Variants in PADI4 observed in about 807,000 individuals in gnomAD.
PADI4 encodes protein-arginine deiminase type-4.
Under a neutral mutation model 75.0 loss-of-function variants are expected in PADI4, and 62 were observed. That is an observed-to-expected ratio of 0.83 (90% confidence interval 0.67 to 1.02). The LOEUF is 1.02. PADI4 is among the 50% of genes least tolerant of loss of function. The pLI, the probability that PADI4 is intolerant of heterozygous loss-of-function variation, is 0.00. For synonymous variants in PADI4, 361 were observed against 348.1 expected, an observed-to-expected ratio of 1.04 and a Z score of -0.41; for missense variants, 845 against 850.5, an observed-to-expected ratio of 0.99 and a Z score of 0.08.
intron 2 of PADI4, among the ~76,000 whole-genome samples, chr1:17,333,196 C>T (rs139384903): frequency 1.3e-5 from 2 of 152,146 alleles, no homozygotes; most frequent in African/African-American, 2.4e-5. Flanking sequence ...GGAGACCAGA[C>T]AGAAGGCTGA....
In PADI4 at chr1:17,346,495, T is replaced by C. The variant is rs1374896130; in HGVS notation, c.1047+356T>C. Among the ~76,000 whole-genome samples the C allele has an allele frequency of 2.6e-5, 4 of 152,234 alleles. No individual in the cohort carries two copies. The East Asian group carries it at 5.8e-4, about 22-fold the overall frequency. The stretch of plus-strand genomic sequence containing the variant: ...TCTTGGGCCCAGCCACCAAAGCAGG[T>C]CACACCCCAGCTCCAGCACTTTCCA... On this transcript the variant is annotated intron_variant, in intron 9 of 15. Coordinates refer to ENST00000375448, the MANE Select transcript of PADI4 (RefSeq NM_012387.3). The surrounding 1 kb of genome is among the most constrained non-coding windows in gnomAD (Gnocchi z 4.3).
intron 5 of PADI4, 85 bp downstream of exon 5, chr1:17,338,240 A>C: frequency 1.2e-6 from 1 of 825,552 alleles, no homozygotes; most frequent in Non-Finnish European, 2.1e-6. Context: ...CGGCCCTCTG[A>C]AATAAGGGTT....
At chr1:17,358,213 A>C (rs1309480764) in intron 13 of PADI4, among the ~76,000 whole-genome samples, 4 of 152,106 alleles carry the variant, frequency 2.6e-5, no homozygotes, top group Admixed American at 2.0e-4. Context: ...GCACTACTGC[A>C]CTCCAGCCTG....
chr1:17,308,273 CGT>C lies in PADI4; in HGVS notation c.59_60del (p.Val20AlafsTer8). 1.9e-6 allele frequency: 3 copies of C among 1,614,084 alleles called. No homozygotes were observed. Among genetic ancestry groups the C allele is most frequent in the Non-Finnish European group, 1.7e-6 (2 of 1,180,008 alleles). ...RVTPEQPTHAVCVLGTLTQLD... is the reference protein window; with the variant it reads ...RVTPEQPTHAXCVLGTLTQLD... ...TGACCCCAGAGCAGCCCACCCATGC[CGT>C]GTGTGTGCTGGGCACCTTGACTCAG... On this transcript the variant is annotated frameshift_variant, in exon 1 of 16. Coordinates refer to ENST00000375448, the MANE Select transcript of PADI4 (RefSeq NM_012387.3). LOFTEE classifies it high-confidence loss of function.
intron 1 of PADI4, among the ~76,000 whole-genome samples, chr1:17,326,845 G>C (rs2074124163): frequency 6.6e-6 from 1 of 150,958 alleles, no homozygotes; most frequent in South Asian, 2.1e-4. Context: ...AACTCTGATG[G>C]TGGTTTTGTC....
intron 10 of PADI4, 150 bp downstream of exon 10, chr1:17,348,198 T>G (rs2074554743): frequency 1.9e-6 from 1 of 529,500 alleles, no homozygotes; most frequent in Admixed American, 3.2e-5. Flanking sequence ...AGCATGTAGG[T>G]GGGGCTTGTT....
intron 8 of PADI4, among the ~76,000 whole-genome samples, chr1:17,343,355 C>T (rs767825692): frequency 9.9e-5 from 15 of 152,264 alleles, no homozygotes; most frequent in Admixed American, 2.0e-4. Context: ...GTCTGAGAGC[C>T]GCTGACAAGT....
intron 9 of PADI4, among the ~76,000 whole-genome samples, chr1:17,347,628 C>T (rs2074540056): frequency 1.3e-5 from 2 of 152,252 alleles, no homozygotes; most frequent in South Asian, 4.2e-4. Context: ...TGCCCACTGC[C>T]TGGCTCCCTT....
At position 17,339,754 on chromosome 1, in the gene PADI4, C is replaced by T. The variant is rs556713924; in HGVS notation, c.593C>T (p.Thr198Ile). ...KTPKDFFTNH[T>I]LVLHVARSEM... ...CCCAAGGACTTCTTCACAAACCATA[C>T]ACTGGTGCTCCACGTGGCCAGGTCT... Residue 198 changes from threonine to isoleucine, a missense_variant, in exon 6 of 16, where the codon ACA becomes ATA. Physicochemically the swap from Thr to Ile is moderately conservative, Grantham distance 89 (BLOSUM62 -1). Transcript: ENST00000375448. 1 of 1,614,056 alleles carries T rather than the reference C, an allele frequency of 6.2e-7. No individual in the cohort carries two copies.
At position 17,322,491 on chromosome 1, in the gene PADI4, C is replaced by CT. The variant is rs55792729; in HGVS notation, c.93-8478_93-8477insT. Among the ~76,000 whole-genome samples the CT allele has an allele frequency of 8.7e-3, 1,295 of 149,312 alleles. 24 individuals carry two copies. The highest frequency in any genetic ancestry group is 0.031 in the African/African-American group (1,221 of 39,428). On this transcript the variant is annotated intron_variant, in intron 1 of 15. Transcript: ENST00000375448. ...GTGACAGAGTGAGACTCCATCCCCC[C>CT]CCAAAAAAAAAGATAAGCTATAAAT...
rs760245616 is a variant in PADI4 at position 17,346,558 on chromosome 1, C to T, written c.1047+419C>T. 3.3e-5 allele frequency among the ~76,000 whole-genome samples: 5 copies of T among 152,138 alleles called. No homozygotes were observed. The highest frequency in any genetic ancestry group is 4.4e-5 in the Non-Finnish European group (3 of 68,030). On this transcript the variant is annotated intron_variant, in intron 9 of 15. Transcript: ENST00000375448. The surrounding 1 kb of genome is among the most constrained non-coding windows in gnomAD (Gnocchi z 4.3). Reference sequence around the variant, plus strand: ...CCTCCTGCTTAGTCTGTTTCCAGGCCCTCTCAGCCTGCCTGGTTCCCTTCC... The same window carrying T: ...CCTCCTGCTTAGTCTGTTTCCAGGCTCTCTCAGCCTGCCTGGTTCCCTTCC...
At chr1:17,342,253 T>G (rs201072348) in intron 7 of PADI4, 46 bp from the exon 8 acceptor site, 1 of 1,427,734 alleles carries the variant, frequency 7.0e-7, no homozygotes, top group Non-Finnish European at 9.9e-7. Flanking sequence ...TGCTGGGCCC[T>G]GGCAGCGGTG....
intron 1 of PADI4, among the ~76,000 whole-genome samples, chr1:17,330,141 G>C (rs1325970004): frequency 1.3e-5 from 2 of 152,132 alleles, no homozygotes; most frequent in African/African-American, 4.8e-5. Flanking sequence ...GCCTACATCT[G>C]TGTGTGTGGG....
In PADI4 at chr1:17,338,076, C is replaced by T. The variant is rs1321721626; in HGVS notation, c.447C>T (p.Ile149=). The change falls in exon 5 of 16, where the codon ATC becomes ATT. Residue 149 remains isoleucine (I), a synonymous_variant. Coordinates refer to ENST00000375448, the MANE Select transcript of PADI4 (RefSeq NM_012387.3). ...GGGGCCCTTGTGGACAGGGTGCCAT[C>T]CTGCTGGTGAACTGTGACAGAGACA... The part of the protein sequence containing the change: ...WTWGPCGQGA[I]LLVNCDRDNL... 1.9e-6 allele frequency: 3 copies of T among 1,613,574 alleles called. No homozygotes were observed. Among genetic ancestry groups the T allele is most frequent in the East Asian group, 2.2e-5 (1 of 44,878 alleles).
intron 5 of PADI4, among the ~76,000 whole-genome samples, chr1:17,338,853 G>A (rs2074364227): frequency 6.6e-6 from 1 of 152,162 alleles, no homozygotes; most frequent in Non-Finnish European, 1.5e-5. Context: ...GGCCTTCCTG[G>A]GGAGCTCTTA....
At chr1:17,362,033 G>A (rs2074854802) in intron 15 of PADI4, among the ~76,000 whole-genome samples, 1 of 152,114 alleles carries the variant, frequency 6.6e-6, no homozygotes, top group African/African-American at 2.4e-5. Context: ...TTACCAGAAG[G>A]TGACAGGTAG....
intron 5 of PADI4, among the ~76,000 whole-genome samples, chr1:17,338,916 G>A (rs1238554722): frequency 2.0e-5 from 3 of 152,198 alleles, no homozygotes; most frequent in African/African-American, 7.2e-5. Context: ...GGCCTGGCCC[G>A]ATGCCAGGGG....
At chr1:17,316,090 C>T (rs1379061673) in intron 1 of PADI4, among the ~76,000 whole-genome samples, 1 of 152,000 alleles carries the variant, frequency 6.6e-6, no homozygotes, top group East Asian at 1.9e-4. Context: ...CCCATCTTCC[C>T]ATTTATGTCG....
chr1:17,342,357 T>C lies in PADI4; in HGVS notation c.890T>C (p.Ile297Thr), dbSNP rs766682570. ...GTGGTCTTCCGCGTGGCGCCCTGGA[T>C]CATGACCCCCAACACCCAGCCCCCG... ...DSVVFRVAPW[I>T]MTPNTQPPQE... is the part of the protein sequence containing the mutation. Residue 297 changes from isoleucine to threonine, a missense_variant, in exon 8 of 16, where the codon ATC becomes ACC. Transcript: ENST00000375448. 1.9e-6 allele frequency: 3 copies of C among 1,613,944 alleles called. No homozygotes were observed. Among genetic ancestry groups the C allele is most frequent in the Middle Eastern group, 1.7e-4 (1 of 6,058 alleles).
Sources: allele counts gnomAD v4.1 joint callset (sites outside exome capture counted in the v4.1 genomes callset), GRCh38; gene constraint gnomAD v4.1.1; non-coding constraint Gnocchi (gnomAD v3.1); transcripts MANE v1.5; gene names NCBI Gene and HGNC (gene_info 2026-07-23, HGNC 2026-07-21).